Variants in CACNB4 observed in about 807,000 individuals in gnomAD.
The protein encoded by CACNB4 is calcium voltage-gated channel auxiliary subunit beta 4.
Under a neutral mutation model 71.2 loss-of-function variants are expected in CACNB4, and 32 were observed. The observed-to-expected ratio is 0.45, with a 90% CI of 0.34 to 0.60. The LOEUF is 0.60. Ranked by LOEUF, CACNB4 falls within the 20% of genes least tolerant of loss-of-function variation. The probability of loss-of-function intolerance (pLI) is 0.01; values close to 1 mark genes in which losing one functional copy is unlikely to be tolerated. For missense variants in CACNB4, 464 were observed against 647.9 expected, an observed-to-expected ratio of 0.72 and a Z score of 3.08; for synonymous variants, 231 against 236.9, an observed-to-expected ratio of 0.97 and a Z score of 0.23.
At position 152,003,061 on chromosome 2, in the gene CACNB4, G is replaced by A. The variant is rs570232411; in HGVS notation, c.147+95269C>T. On this transcript the variant is annotated intron_variant, in intron 2 of 13. Coordinates refer to ENST00000539935, the MANE Select transcript of CACNB4 (RefSeq NM_000726.5). ...ATGAATTTCCATCTCCAGGGCCCAT[G>A]GAAAATATAAAGTTTTGCCTGATAC... is the stretch of plus-strand genomic sequence containing the variant. Among the ~76,000 whole-genome samples the A allele has an allele frequency of 1.5e-3, 235 of 152,284 alleles. 1 individual carries two copies. The highest frequency in any genetic ancestry group is 3.4e-3 in the Middle Eastern group (1 of 294).
chr2:152,027,114 G>A (rs1486163965), intron 2 of CACNB4, among the ~76,000 whole-genome samples: 1 of 152,100 alleles, frequency 6.6e-6, no homozygotes, highest in Non-Finnish European at 1.5e-5. Flanking sequence ...CGTTGGCCAG[G>A]CTGGTCTCAA....
chr2:152,076,216 C>T (rs1687006306), intron 2 of CACNB4, among the ~76,000 whole-genome samples: 1 of 138,928 alleles, frequency 7.2e-6, no homozygotes, highest in South Asian at 2.3e-4. Flanking sequence ...AATCTCGGCT[C>T]ACTGCAACCT....
At chr2:151,890,789 A>C (rs772360611) in intron 2 of CACNB4, among the ~76,000 whole-genome samples, 17 of 152,174 alleles carry the variant, frequency 1.1e-4, no homozygotes, top group Non-Finnish European at 2.4e-4. Flanking sequence ...AGACATGTTC[A>C]CTATTTCTGC....
At chr2:152,059,149 G>A (rs1265423898) in intron 2 of CACNB4, among the ~76,000 whole-genome samples, 1 of 152,212 alleles carries the variant, frequency 6.6e-6, no homozygotes, top group African/African-American at 2.4e-5. Context: ...ACCTCTGCTA[G>A]GACAGTGCAG....
At chr2:151,877,854 G>A (rs978864315) in intron 4 of CACNB4, among the ~76,000 whole-genome samples, 90 of 152,310 alleles carry the variant, frequency 5.9e-4, no homozygotes, top group African/African-American at 1.7e-3. Flanking sequence ...TGGGGTGAGA[G>A]TCTGTCAATG....
At chr2:151,883,222 T>C (rs2099848419) in intron 3 of CACNB4, 29 bp downstream of exon 3, 5 of 1,613,020 alleles carry the variant, frequency 3.1e-6, no homozygotes, top group Non-Finnish European at 4.2e-6. Flanking sequence ...CGACCCACTT[T>C]TGAGCCAAAG....
chr2:151,930,956 T>C (rs566678448), intron 2 of CACNB4, among the ~76,000 whole-genome samples: 1 of 152,358 alleles, frequency 6.6e-6, no homozygotes, highest in East Asian at 1.9e-4. Context: ...ATTAGAATTA[T>C]GGGACTCTAG....
chr2:152,028,186 C>A (rs16830618), intron 2 of CACNB4, among the ~76,000 whole-genome samples: 1 of 152,144 alleles, frequency 6.6e-6, no homozygotes, highest in Non-Finnish European at 1.5e-5. Flanking sequence ...CAATTTAGGA[C>A]TGGGAACCCC....
At chr2:151,869,109 A>G in intron 9 of CACNB4, 68 bp downstream of exon 9, 3 of 890,560 alleles carry the variant, frequency 3.4e-6, no homozygotes, top group Non-Finnish European at 3.7e-6. Flanking sequence ...ACATAGATCT[A>G]CAATTCAATT....
At chr2:152,062,355 T>C (rs1252729272) in intron 2 of CACNB4, among the ~76,000 whole-genome samples, 5 of 152,142 alleles carry the variant, frequency 3.3e-5, no homozygotes, top group Non-Finnish European at 7.4e-5. Context: ...ACACCGCCAT[T>C]GAGTTGAGAC....
chr2:152,006,674 G>A (rs1682747506), intron 2 of CACNB4, among the ~76,000 whole-genome samples: 1 of 152,118 alleles, frequency 6.6e-6, no homozygotes, highest in Non-Finnish European at 1.5e-5. Context: ...GGGATTACAG[G>A]CATGAGACAC....
chr2:151,862,375 A>G (rs2099841965), intron 9 of CACNB4, among the ~76,000 whole-genome samples: 1 of 152,224 alleles, frequency 6.6e-6, no homozygotes, highest in Non-Finnish European at 1.5e-5. Context: ...GTGCCATTTT[A>G]AGCAAAGCAC....
chr2:152,073,648 A>G (rs891060091), intron 2 of CACNB4, among the ~76,000 whole-genome samples: 3 of 152,202 alleles, frequency 2.0e-5, no homozygotes, highest in Non-Finnish European at 2.9e-5. Context: ...AATCTACAAA[A>G]ATAATTAAAA....
intron 2 of CACNB4, among the ~76,000 whole-genome samples, chr2:152,089,829 C>A (rs1488223131): frequency 6.6e-6 from 1 of 151,936 alleles, no homozygotes; most frequent in African/African-American, 2.4e-5. Flanking sequence ...GTAGTCCCAG[C>A]TACTTGTAGG....
At chr2:151,960,943 A>C (rs2151695413) in intron 2 of CACNB4, among the ~76,000 whole-genome samples, 1 of 152,296 alleles carries the variant, frequency 6.6e-6, no homozygotes, top group African/African-American at 2.4e-5. Flanking sequence ...TATTTTACAC[A>C]CCATAAAACC....
intron 2 of CACNB4, among the ~76,000 whole-genome samples, chr2:152,000,710 G>A (rs1022062677): frequency 2.0e-5 from 3 of 152,180 alleles, no homozygotes; most frequent in South Asian, 2.1e-4. Context: ...TTTACTTTTC[G>A]TATATCCAAT....
At chr2:151,920,966 G>A (rs549022987) in intron 2 of CACNB4, among the ~76,000 whole-genome samples, 5 of 151,848 alleles carry the variant, frequency 3.3e-5, no homozygotes, top group Admixed American at 6.6e-5. Context: ...GTGAAACCCC[G>A]TCTCTACTAA....
intron 2 of CACNB4, chr2:151,971,689 C>A: frequency 1.4e-6 from 1 of 690,148 alleles, no homozygotes. Context: ...TTGGGTAACA[C>A]ATCACATTAT....
At chr2:152,066,718 G>A (rs1237308895) in intron 2 of CACNB4, among the ~76,000 whole-genome samples, 42 of 148,488 alleles carry the variant, frequency 2.8e-4, no homozygotes, top group Non-Finnish European at 4.2e-4. Flanking sequence ...GGCATTATTC[G>A]CAATAGCAAA....
Sources: gnomAD v4.1 joint callset for allele counts (sites outside exome capture counted in the v4.1 genomes callset) on GRCh38, gnomAD v4.1.1 for gene constraint, MANE v1.5 for transcripts, NCBI Gene and HGNC (gene_info 2026-07-23, HGNC 2026-07-21) for gene names.